The following PFN2 variants were observed in gnomAD, a reference collection of about 807,000 sequenced individuals.
PFN2 encodes the protein profilin-2.
PFN2 carries 8 observed loss-of-function variants against 15.3 expected under a neutral mutation model. The ratio of observed to expected loss-of-function variants is 0.52; its 90% CI spans 0.31 to 0.95. PFN2 has a LOEUF of 0.95. Among genes scored for constraint, PFN2 ranks in the 40% least tolerant of loss-of-function variants. PFN2 has a pLI of 0.05. For missense variants in PFN2, 111 were observed against 182.3 expected, an observed-to-expected ratio of 0.61 and a Z score of 2.25; for synonymous variants, 79 against 67.9, an observed-to-expected ratio of 1.16 and a Z score of -0.81.
chr3:149,966,459 T>A lies in PFN2; in HGVS notation c.*30A>T. 2 of 1,602,952 alleles carry A rather than the reference T, an allele frequency of 1.2e-6. No homozygotes were observed. Among genetic ancestry groups the A allele is most frequent in the Non-Finnish European group, 1.7e-6 (2 of 1,177,112 alleles). On this transcript the variant is annotated 3_prime_UTR_variant, in exon 3 of 3. Coordinates refer to ENST00000239940, the MANE Select transcript of PFN2 (RefSeq NM_053024.4). The stretch of plus-strand genomic sequence containing the variant: ...AGCTAGGAAAGTTTAAGAGCAATTT[T>A]CCCCTAATACTTAACAGTCTGCCTA...
rs1576617742 is a variant in PFN2 at position 149,965,658 on chromosome 3, G to A, written c.*831C>T. 3 of 995,568 alleles carry A rather than the reference G, an allele frequency of 3.0e-6. No individual in the cohort carries two copies. The highest frequency in any genetic ancestry group is 1.8e-5 in the African/African-American group (1 of 55,034). 61.7% of individuals were successfully genotyped at this position (995,568 alleles called of 1,614,324 possible). On this transcript the variant is annotated 3_prime_UTR_variant, in exon 3 of 3. Coordinates refer to ENST00000239940, the MANE Select transcript of PFN2 (RefSeq NM_053024.4). ...GATTTTAATTGGTTAAAAAAAAACAGGCACTGCATAAAAAAAGATGGAAGC... is the reference window on the plus strand; with the variant it reads ...GATTTTAATTGGTTAAAAAAAAACAAGCACTGCATAAAAAAAGATGGAAGC...
intron 1 of PFN2, 29 bp downstream of exon 1, chr3:149,970,695 AC>A: frequency 6.7e-7 from 1 of 1,488,696 alleles, no homozygotes. Context: ...CGGTGCAGGG[AC>A]CAGGGTACCG....
chr3:149,970,244 G>A (rs1199577460), intron 1 of PFN2: 1 of 152,156 alleles, frequency 6.6e-6, no homozygotes, highest in African/African-American at 2.4e-5. Context: ...GAGGCGCGCT[G>A]TCCGCGGAGC....
Position 149,965,477 on chromosome 3 carries a change from G to C in PFN2, c.*1012C>G. 7.0e-7 allele frequency: 1 copy of C among 1,426,460 alleles called. No homozygotes were observed. Among genetic ancestry groups the C allele is most frequent in the South Asian group, 1.6e-5 (1 of 63,130 alleles). The allele number at this position is 1,426,460 out of a possible 1,614,324, so 88.4% of individuals were successfully genotyped here. On this transcript the variant is annotated 3_prime_UTR_variant, in exon 3 of 3. Coordinates refer to ENST00000239940, the MANE Select transcript of PFN2 (RefSeq NM_053024.4). ...TGGGGATTCAATCAGTATGGTTACT[G>C]TAAGGTCATGGGAGGAAGTGCTTTT...
chr3:149,965,739 G>C lies in PFN2; in HGVS notation c.*750C>G. The C allele has an allele frequency of 1.9e-6, 2 of 1,042,154 alleles. No homozygotes were observed. Among genetic ancestry groups the C allele is most frequent in the Non-Finnish European group, 2.3e-6 (2 of 866,116 alleles). 64.6% of individuals were successfully genotyped at this position (1,042,154 alleles called of 1,614,324 possible). ...GGGCGGGAAAAAGAGAAGAGTGAAG[G>C]AATGATGCATGCACTTTTTCCTCCC... On this transcript the variant is annotated 3_prime_UTR_variant, in exon 3 of 3. Transcript: ENST00000239940.
intron 1 of PFN2, among the ~76,000 whole-genome samples, chr3:149,969,572 T>G (rs1722788865): frequency 6.6e-6 from 1 of 152,230 alleles, no homozygotes; most frequent in African/African-American, 2.4e-5. Context: ...GACTGAGTTC[T>G]AAAGTTAGAC....
In PFN2 at chr3:149,965,432, T is replaced by C. The variant is rs974313950; in HGVS notation, c.*1057A>G. On this transcript the variant is annotated 3_prime_UTR_variant, in exon 3 of 3. Coordinates refer to ENST00000239940, the MANE Select transcript of PFN2 (RefSeq NM_053024.4). ...GAAAAAGGAAGAAAAATCTGAGCTA[T>C]TGCAATGATGGAATGTCCCTGGGGA... 1.3e-5 allele frequency: 19 copies of C among 1,443,442 alleles called. No individual in the cohort carries two copies. Among genetic ancestry groups the C allele is most frequent in the African/African-American group, 5.7e-5 (4 of 69,786 alleles). The allele number at this position is 1,443,442 out of a possible 1,614,324, so 89.4% of individuals were successfully genotyped here. A position where few individuals can be genotyped will look rare whatever the true frequency, so the allele number is the denominator to read the frequency against.
Position 149,970,887 on chromosome 3 carries a change from G to C in PFN2, c.-31C>G, listed in dbSNP as rs967869426. On this transcript the variant is annotated 5_prime_UTR_variant, in exon 1 of 3. Coordinates refer to ENST00000239940, the MANE Select transcript of PFN2 (RefSeq NM_053024.4). ...AGCCCTTCGCACTGCAGCGCGGACG[G>C]CGAGGAGCAGCAGGCGCAGCGGCGG... The C allele has an allele frequency of 4.6e-6, 6 of 1,308,232 alleles. No homozygotes were observed. Among genetic ancestry groups the C allele is most frequent in the Non-Finnish European group, 5.9e-6 (6 of 1,011,490 alleles). The allele number at this position is 1,308,232 out of a possible 1,614,324, so 81.0% of individuals were successfully genotyped here.
In PFN2 at chr3:149,966,050, T is replaced by A; in HGVS notation, c.*439A>T. 2 of 1,513,854 alleles carry A rather than the reference T, an allele frequency of 1.3e-6. No individual in the cohort carries two copies. The highest frequency in any genetic ancestry group is 1.3e-5 in the South Asian group (1 of 74,394). 93.8% of individuals were successfully genotyped at this position (1,513,854 alleles called of 1,614,324 possible). ...AAATGATCCATTGGGCAAACAGGAATCATGACATTAGAAAATAGGTAAAGA... is the reference window on the plus strand; with the variant it reads ...AAATGATCCATTGGGCAAACAGGAAACATGACATTAGAAAATAGGTAAAGA... On this transcript the variant is annotated 3_prime_UTR_variant, in exon 3 of 3. Transcript: ENST00000239940.
In PFN2 at chr3:149,965,292, A is replaced by C; in HGVS notation, c.*1197T>G. 1 of 1,535,334 alleles carries C rather than the reference A, an allele frequency of 6.5e-7. No individual in the cohort carries two copies. Among genetic ancestry groups the C allele is most frequent in the Non-Finnish European group, 8.7e-7 (1 of 1,146,494 alleles). ...ATATAAAAACTCAAGCTGCAAATAAAAATTGGTCCTATGAAGAACAAACTG... is the reference window on the plus strand; with the variant it reads ...ATATAAAAACTCAAGCTGCAAATAACAATTGGTCCTATGAAGAACAAACTG... On this transcript the variant is annotated 3_prime_UTR_variant, in exon 3 of 3. Transcript: ENST00000239940.
rs1386589243 is a variant in PFN2 at position 149,967,099 on chromosome 3, C to T, written c.326-513G>A. ...TTTAAGTAGCATACTCAGTATCATT[C>T]AGAAAAGGCCAAATTAAATTATTTA... On this transcript the variant is annotated intron_variant, in intron 2 of 2. Transcript: ENST00000239940. Among the ~76,000 whole-genome samples the T allele has an allele frequency of 2.6e-5, 4 of 152,226 alleles. No individual in the cohort carries two copies. In the East Asian group the frequency reaches 5.8e-4, roughly 22 times the overall value.
At chr3:149,970,588 C>T in intron 1 of PFN2, 137 bp downstream of exon 1, 1 of 869,060 alleles carries the variant, frequency 1.2e-6, no homozygotes, top group Non-Finnish European at 1.5e-6. Context: ...CGCCCGGCAG[C>T]CGCATCCTCG....
chr3:149,967,821 CA>C (rs568152267), intron 2 of PFN2, among the ~76,000 whole-genome samples: 1 of 152,116 alleles, frequency 6.6e-6, no homozygotes, highest in Non-Finnish European at 1.5e-5. Context: ...GTCTCAGACA[CA>C]ATCTTTGAAA....
chr3:149,970,589 C>T, intron 1 of PFN2, 136 bp downstream of exon 1: 1 of 871,380 alleles, frequency 1.1e-6, no homozygotes, highest in Non-Finnish European at 1.5e-6. Context: ...GCCCGGCAGC[C>T]GCATCCTCGG....
Position 149,968,446 on chromosome 3 carries a change from G to T in PFN2, c.237C>A (p.Tyr79Ter), listed in dbSNP as rs1475776311. Residue 79 changes from tyrosine (Y) to a stop codon, truncating the protein, a stop_gained, in exon 2 of 3, where the codon TAC (tyrosine) becomes TAA (stop). Transcript: ENST00000239940. LOFTEE classifies it high-confidence loss of function. The part of the protein sequence containing the change: ...KKCSVIRDSL[Y>*]VDGDCTMDIR... ...TGTCCATTGTGCAGTCACCATCGAC[G>T]TATAGACTATCTCTGATCACTGAGC... is the stretch of plus-strand genomic sequence containing the variant. 6.2e-7 allele frequency: 1 copy of T among 1,613,878 alleles called. No homozygotes were observed. The highest frequency in any genetic ancestry group is 8.5e-7 in the Non-Finnish European group (1 of 1,179,910).
intron 1 of PFN2, among the ~76,000 whole-genome samples, chr3:149,969,241 T>G (rs1272414072): frequency 6.6e-6 from 1 of 152,158 alleles, no homozygotes; most frequent in East Asian, 1.9e-4. Flanking sequence ...TCTACAGCAC[T>G]GCGGTAGGCA....
chr3:149,967,278 A>G (rs1722719062), intron 2 of PFN2, among the ~76,000 whole-genome samples: 1 of 152,192 alleles, frequency 6.6e-6, no homozygotes, highest in Non-Finnish European at 1.5e-5. Flanking sequence ...ATTCACTACC[A>G]CTAGATGTCA....
At position 149,968,455 on chromosome 3, in the gene PFN2, A is replaced by G. The variant is rs1559986546; in HGVS notation, c.228T>C (p.Asp76=). 1.9e-6 allele frequency: 3 copies of G among 1,613,998 alleles called. No homozygotes were observed. Among genetic ancestry groups the G allele is most frequent in the South Asian group, 2.2e-5 (2 of 91,086 alleles). Reference sequence around the variant, plus strand: ...TGCAGTCACCATCGACGTATAGACTATCTCTGATCACTGAGCATTTCTTCG... The same window carrying G: ...TGCAGTCACCATCGACGTATAGACTGTCTCTGATCACTGAGCATTTCTTCG... ...LGAKKCSVIR[D]SLYVDGDCTM... is the part of the protein sequence containing the mutation. The change falls in exon 2 of 3, where the codon GAT becomes GAC. Residue 76 remains aspartate, a synonymous_variant. Coordinates refer to ENST00000239940, the MANE Select transcript of PFN2 (RefSeq NM_053024.4).
Position 149,965,716 on chromosome 3 carries a change from G to GGGC in PFN2, c.*772_*773insGCC. 1.0e-6 allele frequency: 1 copy of GGGC among 987,274 alleles called. No individual in the cohort carries two copies. Among genetic ancestry groups the GGGC allele is most frequent in the Non-Finnish European group, 1.2e-6 (1 of 829,050 alleles). 61.2% of individuals were successfully genotyped at this position (987,274 alleles called of 1,614,324 possible). On this transcript the variant is annotated 3_prime_UTR_variant, in exon 3 of 3. Coordinates refer to ENST00000239940, the MANE Select transcript of PFN2 (RefSeq NM_053024.4). ...ATGCCTATGTGCGAAGGGAGGGGGG[G>GGGC]CGGGAAAAAGAGAAGAGTGAAGGAA...
Sources: allele counts gnomAD v4.1 joint callset (sites outside exome capture counted in the v4.1 genomes callset), GRCh38; gene constraint gnomAD v4.1.1; transcripts MANE v1.5; gene names NCBI Gene and HGNC (gene_info 2026-07-23, HGNC 2026-07-21).